The following ASPRV1 variants were observed in gnomAD, a reference collection of about 807,000 sequenced individuals.
The protein encoded by ASPRV1 is retroviral-like aspartic protease 1.
Under a neutral mutation model 11.0 loss-of-function variants are expected in ASPRV1, and 7 were observed. The observed-to-expected ratio is 0.64, with a 90% confidence interval of 0.36 to 1.20. The LOEUF (loss-of-function observed/expected upper bound fraction) is 1.20. Among genes scored for constraint, ASPRV1 ranks in the 50% most tolerant of loss-of-function variants. The probability of loss-of-function intolerance (pLI) is 0.02; values close to 1 mark genes in which losing one functional copy is unlikely to be tolerated. For synonymous variants in ASPRV1, 136 were observed against 138.4 expected, an observed-to-expected ratio of 0.98 and a Z score of 0.12; for missense variants, 299 against 320.0, an observed-to-expected ratio of 0.93 and a Z score of 0.50.
chr2:70,028,776 G>A, the ASPRV1 span, among the ~76,000 whole-genome samples: 1 of 151,926 alleles, frequency 6.6e-6, no homozygotes, highest in African/African-American at 2.4e-5. Flanking sequence ...TTCCACCATG[G>A]GATGACGCAA....
At chr2:70,057,355 C>G in the ASPRV1 span, among the ~76,000 whole-genome samples, 4 of 152,152 alleles carry the variant, frequency 2.6e-5, no homozygotes, top group Non-Finnish European at 5.9e-5. Flanking sequence ...GCACACTAAC[C>G]ATAAATACAA....
the ASPRV1 span, among the ~76,000 whole-genome samples, chr2:70,037,696 T>C: frequency 6.6e-6 from 1 of 152,334 alleles, no homozygotes; most frequent in Admixed American, 6.5e-5. Context: ...AAAACTGTTT[T>C]TAACCAGTTT....
chr2:70,060,650 T>TAA, the ASPRV1 span, among the ~76,000 whole-genome samples: 64 of 150,234 alleles, frequency 4.3e-4, no homozygotes, highest in African/African-American at 1.5e-3. Context: ...CCGTCTCTAC[T>TAA]AAAAAAAAAT....
At chr2:70,034,513 C>T in the ASPRV1 span, among the ~76,000 whole-genome samples, 3 of 150,780 alleles carry the variant, frequency 2.0e-5, no homozygotes, top group Non-Finnish European at 4.4e-5. Context: ...GGACGTTGCA[C>T]TAAGCAGGGA....
the ASPRV1 span, chr2:70,071,483 T>TGTAA: frequency 6.6e-6 from 1 of 152,260 alleles, no homozygotes; most frequent in East Asian, 1.9e-4. Flanking sequence ...GCCTCACGCC[T>TGTAA]GTAATCCCAG....
chr2:69,938,203 C>T, the ASPRV1 span: 74 of 1,614,046 alleles, frequency 4.6e-5, no homozygotes, highest in Non-Finnish European at 5.3e-5. Flanking sequence ...TGCAGAGCCT[C>T]GGCAGTGATG....
chr2:70,017,218 C>T, the ASPRV1 span, among the ~76,000 whole-genome samples: 13 of 152,214 alleles, frequency 8.5e-5, no homozygotes, highest in African/African-American at 3.1e-4. Flanking sequence ...GTCTCCATCT[C>T]CTGATCTTGT....
the ASPRV1 span, among the ~76,000 whole-genome samples, chr2:70,024,536 C>A: frequency 6.6e-6 from 1 of 152,206 alleles, no homozygotes; most frequent in African/African-American, 2.4e-5. Flanking sequence ...CCCCAAGGGG[C>A]AGCACCCCTG....
At chr2:70,020,758 G>A in the ASPRV1 span, among the ~76,000 whole-genome samples, 2 of 152,070 alleles carry the variant, frequency 1.3e-5, no homozygotes, top group Non-Finnish European at 1.5e-5. Flanking sequence ...AGTGATGTAA[G>A]CCACACAGGG....
At chr2:70,008,549 G>C in the ASPRV1 span, among the ~76,000 whole-genome samples, 1 of 152,168 alleles carries the variant, frequency 6.6e-6, no homozygotes, top group Admixed American at 6.5e-5. Flanking sequence ...CCCACAGCCT[G>C]TGGGCCGCAT....
chr2:70,073,440 TTAACTCTAC>T, the ASPRV1 span, among the ~76,000 whole-genome samples: 966 of 152,320 alleles, frequency 6.3e-3, 9 homozygotes, highest in African/African-American at 0.022. Context: ...GACAAATTAC[TTAACTCTAC>T]TTGCCTCTGT....
chr2:70,087,160 C>T, the ASPRV1 span: 1 of 152,238 alleles, frequency 6.6e-6, no homozygotes, highest in African/African-American at 2.4e-5. Context: ...GCACGAGCCC[C>T]TCATGTAGGG....
chr2:70,068,760 C>T, the ASPRV1 span, among the ~76,000 whole-genome samples: 1 of 148,692 alleles, frequency 6.7e-6, no homozygotes, highest in Non-Finnish European at 1.5e-5. Flanking sequence ...ATGGAGAAAA[C>T]GCGTCTCTAC....
chr2:69,933,676 C>T, the ASPRV1 span, among the ~76,000 whole-genome samples: 4 of 152,142 alleles, frequency 2.6e-5, no homozygotes, highest in African/African-American at 9.7e-5. Context: ...GCTTACTAGC[C>T]CTGCCTTAGG....
chr2:70,086,302 A>AG, the ASPRV1 span: 1 of 152,210 alleles, frequency 6.6e-6, no homozygotes, highest in East Asian at 1.9e-4. Flanking sequence ...CCCAAGGGTA[A>AG]GGAACAGGGG....
the ASPRV1 span, chr2:70,070,154 G>A: frequency 7.5e-6 from 1 of 132,586 alleles, no homozygotes; most frequent in African/African-American, 2.9e-5. Context: ...ACTCCAGACT[G>A]GGTAACATGA....
the ASPRV1 span, among the ~76,000 whole-genome samples, chr2:70,062,546 G>A: frequency 6.6e-6 from 1 of 152,210 alleles, no homozygotes; most frequent in Non-Finnish European, 1.5e-5. Context: ...GGCTAATGAA[G>A]AAAGGCCCTT....
chr2:70,038,129 A>C, the ASPRV1 span, among the ~76,000 whole-genome samples: 10 of 152,220 alleles, frequency 6.6e-5, no homozygotes, highest in Non-Finnish European at 1.5e-4. Flanking sequence ...TAGATCCTTC[A>C]ATGTAAAACC....
the ASPRV1 span, chr2:70,054,125 G>C: frequency 1.3e-5 from 2 of 152,036 alleles, no homozygotes; most frequent in African/African-American, 4.8e-5. Flanking sequence ...AAGGTGAGAA[G>C]TTCAAGACCA....
Sources: allele counts gnomAD v4.1 joint callset (sites outside exome capture counted in the v4.1 genomes callset), GRCh38; gene constraint gnomAD v4.1.1; transcripts MANE v1.5; gene names NCBI Gene and HGNC (gene_info 2026-07-23, HGNC 2026-07-21).